LIMCH1: variants seen among roughly 807,000 people sequenced by gnomAD.
LIMCH1 encodes LIM and calponin homology domains-containing protein 1.
A neutral mutation model predicts 176.5 loss-of-function variants in LIMCH1; 113 were observed. The observed-to-expected ratio is 0.64, with a 90% CI of 0.55 to 0.75. The LOEUF (loss-of-function observed/expected upper bound fraction) is 0.75. LIMCH1 is among the 30% of genes least tolerant of loss of function. The pLI is 0.00. For missense variants in LIMCH1, 1,674 were observed against 1,814.9 expected, an observed-to-expected ratio of 0.92 and a Z score of 1.41; for synonymous variants, 619 against 645.9, an observed-to-expected ratio of 0.96 and a Z score of 0.63.
At chr4:41,384,349 T>A (rs2056174343) in intron 1 of LIMCH1, among the ~76,000 whole-genome samples, 1 of 151,228 alleles carries the variant, frequency 6.6e-6, no homozygotes, top group Non-Finnish European at 1.5e-5. Context: ...GGACTACAGG[T>A]GCCTGCCACC....
At chr4:41,470,100 A>G (rs2066728878) in intron 1 of LIMCH1, among the ~76,000 whole-genome samples, 1 of 152,190 alleles carries the variant, frequency 6.6e-6, no homozygotes, top group Non-Finnish European at 1.5e-5. Context: ...GGAGGAAAGG[A>G]ACATCCAATG....
intron 1 of LIMCH1, among the ~76,000 whole-genome samples, chr4:41,427,578 G>A (rs1355098141): frequency 6.6e-6 from 1 of 152,288 alleles, no homozygotes; most frequent in Non-Finnish European, 1.5e-5. Context: ...GAAGTGGAAG[G>A]TAACATGTTT....
In LIMCH1 at chr4:41,697,288, C is replaced by G; in HGVS notation, c.*103C>G. The G allele has an allele frequency of 7.8e-6, 8 of 1,027,054 alleles. No individual in the cohort carries two copies. The highest frequency in any genetic ancestry group is 6.8e-5 in the South Asian group (5 of 73,886). The allele number at this position is 1,027,054 out of a possible 1,614,324, so 63.6% of individuals were successfully genotyped here. On this transcript the variant is annotated 3_prime_UTR_variant, in exon 32 of 32. Coordinates refer to ENST00000503057, the MANE Select transcript of LIMCH1 (RefSeq NM_001330672.2). The stretch of plus-strand genomic sequence containing the variant: ...AGCTCAGGGGCTTCTCAGCATTTAC[C>G]TAATTTCTGAAAGGCTCTTCTGAAA...
chr4:41,651,875 A>G (rs1002523774), intron 18 of LIMCH1, among the ~76,000 whole-genome samples: 3 of 152,198 alleles, frequency 2.0e-5, no homozygotes, highest in African/African-American at 7.2e-5. Context: ...CATCATTGGG[A>G]AAATTGCACT....
chr4:41,398,712 A>G (rs1415245003), intron 1 of LIMCH1, among the ~76,000 whole-genome samples: 2 of 152,182 alleles, frequency 1.3e-5, no homozygotes, highest in East Asian at 1.9e-4. Context: ...CTGATAATCA[A>G]TTCCAAAGCA....
intron 1 of LIMCH1, among the ~76,000 whole-genome samples, chr4:41,557,828 G>T (rs2081488748): frequency 6.6e-6 from 1 of 152,176 alleles, no homozygotes; most frequent in African/African-American, 2.4e-5. Flanking sequence ...TACAATCAGT[G>T]TGGGCTTTTG....
At chr4:41,562,289 G>A (rs918649868) in intron 1 of LIMCH1, among the ~76,000 whole-genome samples, 3 of 152,120 alleles carry the variant, frequency 2.0e-5, no homozygotes, top group Non-Finnish European at 2.9e-5. Context: ...TGGGGTGTAC[G>A]AGTTTTCCTT....
intron 3 of LIMCH1, among the ~76,000 whole-genome samples, chr4:41,528,238 A>G (rs2076892811): frequency 6.6e-6 from 1 of 152,072 alleles, no homozygotes; most frequent in Non-Finnish European, 1.5e-5. Flanking sequence ...AGGAAGGGAG[A>G]GAGGAAGAAA....
chr4:41,550,860 C>T (rs2080301721), intron 1 of LIMCH1, among the ~76,000 whole-genome samples: 1 of 152,110 alleles, frequency 6.6e-6, no homozygotes, highest in Non-Finnish European at 1.5e-5. Flanking sequence ...TGGAAAATAT[C>T]AGTGTAACCA....
chr4:41,646,394 C>T, intron 16 of LIMCH1, 91 bp from the exon 17 acceptor site: 1 of 1,514,660 alleles, frequency 6.6e-7, no homozygotes, highest in South Asian at 1.3e-5. Flanking sequence ...ATTCCCTGTA[C>T]TATCTCTTCA....
intron 28 of LIMCH1, among the ~76,000 whole-genome samples, chr4:41,686,100 G>C (rs1355691391): frequency 6.6e-6 from 1 of 152,156 alleles, no homozygotes; most frequent in Non-Finnish European, 1.5e-5. Flanking sequence ...GCAGGTGCAG[G>C]CCTGTTGTGT....
rs1731512440 is a variant in LIMCH1 at position 41,697,570 on chromosome 4, T to G, written c.*385T>G. On this transcript the variant is annotated 3_prime_UTR_variant, in exon 32 of 32. Transcript: ENST00000503057. ...TGTCTAGGAATTAAACACTTTATGT[T>G]TACAGAATTGAGCTGCAGAAAGTGC... The G allele has an allele frequency of 5.2e-6, 1 of 190,962 alleles. No individual in the cohort carries two copies. The highest frequency in any genetic ancestry group is 2.3e-5 in the African/African-American group (1 of 42,932). The allele number at this position is 190,962 out of a possible 1,614,324, so 11.8% of individuals were successfully genotyped here. A position where few individuals can be genotyped will look rare whatever the true frequency, so the allele number is the denominator to read the frequency against.
intron 2 of LIMCH1, among the ~76,000 whole-genome samples, chr4:41,510,266 A>G (rs1186307216): frequency 2.6e-5 from 4 of 152,198 alleles, no homozygotes; most frequent in Non-Finnish European, 5.9e-5. Context: ...TTTAAGAATG[A>G]TCAATTAATT....
chr4:41,619,521 T>C (rs1479381748), intron 6 of LIMCH1, 81 bp downstream of exon 6: 3 of 1,548,528 alleles, frequency 1.9e-6, no homozygotes, highest in African/African-American at 2.7e-5. Flanking sequence ...AGGAACGAGG[T>C]TAAATGACCA....
rs1371258387 is a variant in LIMCH1, at chr4:41,524,355, G to A, written c.168-54G>A. ...CTGTAGCCCCGGATAAAGGTGATTT[G>A]TGTGATCCATCTTGCTTTATGTCTC... On this transcript the variant is annotated intron_variant, in intron 2 of 26. Transcript: ENST00000313860. The A allele has an allele frequency of 4.5e-6, 6 of 1,341,434 alleles. No individual in the cohort carries two copies. The South Asian group carries it at 7.0e-5, about 16-fold the overall frequency. 83.1% of individuals were successfully genotyped at this position (1,341,434 alleles called of 1,614,324 possible).
At chr4:41,367,578 C>T (rs1256794851) in intron 1 of LIMCH1, among the ~76,000 whole-genome samples, 5 of 149,920 alleles carry the variant, frequency 3.3e-5, no homozygotes, top group South Asian at 2.1e-4. Context: ...CGGTGGCTCA[C>T]GCCTGTAATC....
chr4:41,669,488 C>T (rs1276977965), intron 21 of LIMCH1, among the ~76,000 whole-genome samples: 5 of 152,034 alleles, frequency 3.3e-5, no homozygotes, highest in African/African-American at 1.2e-4. Context: ...GGCTTGGAGC[C>T]CACTCTCACA....
chr4:41,498,355 T>A (rs890912858), intron 2 of LIMCH1, among the ~76,000 whole-genome samples: 1 of 152,204 alleles, frequency 6.6e-6, no homozygotes, highest in Non-Finnish European at 1.5e-5. Flanking sequence ...GCAACTCCTA[T>A]GCCGGAATAC....
At chr4:41,683,303 C>T (rs1452077458) in intron 26 of LIMCH1, among the ~76,000 whole-genome samples, 1 of 152,130 alleles carries the variant, frequency 6.6e-6, no homozygotes, top group Non-Finnish European at 1.5e-5. Flanking sequence ...CAGAAAAGGA[C>T]AGCTAGAGAC....
Sources: allele counts gnomAD v4.1 joint callset (sites outside exome capture counted in the v4.1 genomes callset), GRCh38; gene constraint gnomAD v4.1.1; transcripts MANE v1.5; gene names NCBI Gene and HGNC (gene_info 2026-07-23, HGNC 2026-07-21).